THAP4: variants seen among roughly 807,000 people sequenced by gnomAD.
THAP4 encodes the protein peroxynitrite isomerase THAP4.
Under a neutral mutation model 48.1 loss-of-function variants are expected in THAP4, and 18 were observed. The ratio of observed to expected loss-of-function variants is 0.37; its 90% CI spans 0.26 to 0.56. The LOEUF (loss-of-function observed/expected upper bound fraction) is 0.56, where lower values mean the gene tolerates loss of function less well. THAP4 is among the 20% of genes least tolerant of loss of function. THAP4 has a pLI of 0.78. For synonymous variants in THAP4, 345 were observed against 324.9 expected (o/e 1.06, Z -0.66); for missense variants, 656 against 774.9 (o/e 0.85, Z 1.82).
chr2:241,620,793 A>G (rs1291739481), intron 2 of THAP4, among the ~76,000 whole-genome samples: 1 of 152,084 alleles, frequency 6.6e-6, no homozygotes, highest in Admixed American at 6.5e-5. Flanking sequence ...ACGATGTTAC[A>G]ATGGCTACAA....
chr2:241,597,114 C>CA (rs2067059708), intron 5 of THAP4, among the ~76,000 whole-genome samples: 1 of 152,144 alleles, frequency 6.6e-6, no homozygotes, highest in Admixed American at 6.5e-5. Flanking sequence ...TGGGGTCTGT[C>CA]AGTCCGTCAC....
At chr2:241,606,280 G>A (rs2125079696) in intron 3 of THAP4, 34 bp downstream of exon 3, 1 of 1,524,072 alleles carries the variant, frequency 6.6e-7, no homozygotes, top group African/African-American at 1.4e-5. Context: ...CGGCCCATGA[G>A]TCAAGCAGGG....
chr2:241,590,346 T>G (rs112771729), intron 5 of THAP4, among the ~76,000 whole-genome samples: 252 of 2,650 alleles, frequency 0.095, no homozygotes, highest in Middle Eastern at 0.17. Context: ...CTGATGATGA[T>G]GGGCACTAGG....
chr2:241,627,439 C>A (rs142465488), intron 2 of THAP4, among the ~76,000 whole-genome samples: 4,169 of 152,320 alleles, frequency 0.027, 104 homozygotes, highest in Middle Eastern at 0.1. Context: ...GGTTCATAGA[C>A]GTGCTAACAA....
chr2:241,605,754 C>T (rs1036541210), intron 3 of THAP4, among the ~76,000 whole-genome samples: 6 of 151,578 alleles, frequency 4.0e-5, no homozygotes, highest in Admixed American at 6.6e-5. Context: ...CTCACTCTGT[C>T]ACCCAGGCTG....
At position 241,601,738 on chromosome 2, in the gene THAP4, C is replaced by T. The variant is rs541035414; in HGVS notation, c.1614+158G>A. On this transcript the variant is annotated intron_variant, in intron 5 of 5. Transcript: ENST00000407315. The surrounding 1 kb of genome is among the most constrained non-coding windows in gnomAD (Gnocchi z 4.0). The stretch of plus-strand genomic sequence containing the variant: ...GGCAATGAATTTAGGGAACATCCAC[C>T]CTGGATGGTCCGAGAAGGGAAAAGA... 2.1e-6 allele frequency: 3 copies of T among 1,399,392 alleles called. No homozygotes were observed. The highest frequency in any genetic ancestry group is 1.3e-5 in the South Asian group (1 of 75,900). The allele number at this position is 1,399,392 out of a possible 1,614,324, so 86.7% of individuals were successfully genotyped here. A position where few individuals can be genotyped will look rare whatever the true frequency, so the allele number is the denominator to read the frequency against.
upstream of THAP4, chr2:241,637,486 C>A (rs1324147765): frequency 2.1e-6 from 3 of 1,450,836 alleles, no homozygotes; most frequent in African/African-American, 1.5e-5. Context: ...GCAGAACCAG[C>A]CGTCGTCCCA....
chr2:241,633,666 T>C lies in THAP4; in HGVS notation c.491A>G (p.Gln164Arg), dbSNP rs1401683644. Residue 164 changes from glutamine (Q) to arginine (R), a missense_variant, in exon 2 of 6, where the codon CAG becomes CGG. Gln to Arg is a conservative substitution (Grantham distance 43, BLOSUM62 1). Around this residue, in one of 4 missense-constraint regions of THAP4, gnomAD observed 391 missense variants for 412.4 expected, o/e 0.95. Transcript: ENST00000407315. The surrounding 1 kb of genome is among the most constrained non-coding windows in gnomAD (Gnocchi z 7.5). The part of the protein sequence containing the change: ...TPRAAQEAAS[Q>R]EQAQQALERT... ...TTCCAGAGCTTGCTGGGCCTGCTCC[T>C]GGCTGGCGGCCTCCTGGGCCGCCCT... is the stretch of plus-strand genomic sequence containing the variant. 12 of 1,611,818 alleles carry C rather than the reference T, an allele frequency of 7.4e-6. No homozygotes were observed. The highest frequency in any genetic ancestry group is 9.3e-6 in the Non-Finnish European group (11 of 1,179,880).
At chr2:241,608,295 A>C (rs1374633656) in intron 2 of THAP4, among the ~76,000 whole-genome samples, 1 of 152,218 alleles carries the variant, frequency 6.6e-6, no homozygotes, top group Non-Finnish European at 1.5e-5. Context: ...CTGGCTGCAC[A>C]GGGCAAACAT....
chr2:241,628,747 A>AC lies in THAP4; in HGVS notation c.1240+4169dup, dbSNP rs200368061. 6.2e-3 allele frequency among the ~76,000 whole-genome samples: 941 copies of AC among 150,672 alleles called. 16 individuals carry two copies. Among genetic ancestry groups the AC allele is most frequent in the African/African-American group, 0.022 (896 of 41,030 alleles). ...AAACCCCATCTCTACAAAAAAAAAA[A>AC]CAAAAAACAAAAAAAACAAAAAAAC... is the stretch of plus-strand genomic sequence containing the variant. On this transcript the variant is annotated intron_variant, in intron 2 of 5. Coordinates refer to ENST00000407315, the MANE Select transcript of THAP4 (RefSeq NM_015963.6).
chr2:241,611,845 G>A (rs949271121), intron 2 of THAP4, among the ~76,000 whole-genome samples: 2 of 152,112 alleles, frequency 1.3e-5, no homozygotes, highest in East Asian at 1.9e-4. Context: ...GACAAAAGGT[G>A]ACAAGACACC....
intron 5 of THAP4, among the ~76,000 whole-genome samples, chr2:241,590,126 C>A (rs924820375): frequency 5.9e-5 from 9 of 151,392 alleles, no homozygotes; most frequent in African/African-American, 2.2e-4. Flanking sequence ...GGCACTAGGA[C>A]ACTCAGAGCT....
intron 4 of THAP4, 140 bp from the exon 5 acceptor site, chr2:241,602,139 C>T: frequency 2.7e-6 from 2 of 735,046 alleles, no homozygotes; most frequent in Non-Finnish European, 2.2e-6. Context: ...TTCTCCTCCT[C>T]CCCACTTCAC....
chr2:241,630,538 G>A (rs1047927837), intron 2 of THAP4, among the ~76,000 whole-genome samples: 1 of 152,176 alleles, frequency 6.6e-6, no homozygotes, highest in African/African-American at 2.4e-5. Context: ...AGAGAAGCTG[G>A]GAGGCCGAGG....
rs2067247574 is a variant in THAP4 at position 241,610,172 on chromosome 2, C to G, written c.1241-3699G>C. ...ACCAGGGCCGCGGCGCCGGGCATGG[C>G]CTTCACACTCCCCACGAGGCAGGAC... On this transcript the variant is annotated intron_variant, in intron 2 of 5. Coordinates refer to ENST00000407315, the MANE Select transcript of THAP4 (RefSeq NM_015963.6). This position sits in a 1 kb window ranked among gnomAD's most constrained non-coding sequence, Gnocchi z 4.2. Among the ~76,000 whole-genome samples the G allele has an allele frequency of 6.6e-6, 1 of 152,194 alleles. No individual in the cohort carries two copies.
chr2:241,625,398 C>T (rs781139260), intron 2 of THAP4, among the ~76,000 whole-genome samples: 8 of 150,636 alleles, frequency 5.3e-5, no homozygotes, highest in African/African-American at 1.5e-4. Flanking sequence ...TCACCTGAGC[C>T]GAGGAGGTTG....
At chr2:241,595,393 A>G (rs2067035493) in intron 5 of THAP4, among the ~76,000 whole-genome samples, 1 of 151,444 alleles carries the variant, frequency 6.6e-6, no homozygotes, top group Non-Finnish European at 1.5e-5. Context: ...ATCCTGGCAC[A>G]TTGGGAGGCT....
intron 3 of THAP4, among the ~76,000 whole-genome samples, chr2:241,605,983 G>A (rs901645038): frequency 2.5e-4 from 38 of 152,154 alleles, no homozygotes; most frequent in Admixed American, 2.4e-3. Flanking sequence ...AAAGTGCTGG[G>A]ATTACAGGTA....
intron 1 of THAP4, among the ~76,000 whole-genome samples, chr2:241,635,088 C>T (rs77584381): frequency 0.14 from 20,636 of 152,152 alleles, 1,697 homozygotes; most frequent in East Asian, 0.34. Context: ...TGCACAACAA[C>T]GTGAATGTAT....
Sources: gnomAD v4.1 joint callset for allele counts (sites outside exome capture counted in the v4.1 genomes callset) on GRCh38, gnomAD v4.1.1 for gene constraint, gnomAD v4.1.1 regional missense constraint, Gnocchi (gnomAD v3.1) non-coding constraint, MANE v1.5 for transcripts, NCBI Gene and HGNC (gene_info 2026-07-23, HGNC 2026-07-21) for gene names.